Variants in NOL4 observed in about 807,000 individuals in gnomAD.
NOL4 encodes cancer/testis antigen 125.
NOL4 carries 17 observed loss-of-function variants against 75.9 expected under a neutral mutation model. That is an observed-to-expected ratio of 0.22 (90% CI 0.15 to 0.34). The LOEUF (loss-of-function observed/expected upper bound fraction) is 0.34, where lower values mean the gene tolerates loss of function less well. Ranked by LOEUF, NOL4 falls within the 10% of genes least tolerant of loss-of-function variation. NOL4 has a pLI of 1.00. For missense variants in NOL4, 614 were observed against 793.5 expected (o/e 0.77, Z 2.72); for synonymous variants, 292 against 289.9 (o/e 1.01, Z -0.07).
intron 9 of NOL4, among the ~76,000 whole-genome samples, chr18:33,942,542 TTAA>T (rs2068563670): frequency 6.6e-6 from 1 of 151,952 alleles, no homozygotes; most frequent in Non-Finnish European, 1.5e-5. Context: ...AAATGATTAA[TTAA>T]TGAGAGATTA....
intron 1 of NOL4, among the ~76,000 whole-genome samples, chr18:34,144,970 A>G (rs2081338495): frequency 6.6e-6 from 1 of 152,076 alleles, no homozygotes; most frequent in Non-Finnish European, 1.5e-5. Flanking sequence ...TGCAGAAATA[A>G]CCATTATGGA....
rs569265921 is a variant in NOL4, at chr18:33,951,077, G to T, written c.1428+6249C>A. On this transcript the variant is annotated intron_variant, in intron 8 of 10. Coordinates refer to ENST00000261592, the MANE Select transcript of NOL4 (RefSeq NM_003787.5). ...TGGAAAAGCACAGACAAGAACCAAG[G>T]CTCACTGACTATCAAATCCAGGTGC... 2.6e-5 allele frequency among the ~76,000 whole-genome samples: 4 copies of T among 152,206 alleles called. No homozygotes were observed. In the East Asian group the frequency reaches 7.7e-4, roughly 29 times the overall value.
At chr18:33,887,675 T>C (rs1360378763) in intron 9 of NOL4, among the ~76,000 whole-genome samples, 2 of 152,008 alleles carry the variant, frequency 1.3e-5, no homozygotes, top group African/African-American at 4.8e-5. Flanking sequence ...CGGTATTTGG[T>C]TTTCTGTCCT....
intron 1 of NOL4, among the ~76,000 whole-genome samples, chr18:34,177,592 C>T (rs2033663889): frequency 6.6e-6 from 1 of 151,778 alleles, no homozygotes; most frequent in South Asian, 2.1e-4. Flanking sequence ...CAGGTGTGTT[C>T]AGGCTAGGCT....
chr18:34,064,828 C>A (rs556983431), intron 5 of NOL4, among the ~76,000 whole-genome samples: 115 of 151,388 alleles, frequency 7.6e-4, no homozygotes, highest in African/African-American at 2.7e-3. Context: ...CAAGTATGTT[C>A]TATATTTTCT....
At chr18:34,023,180 G>A (rs2075141586) in intron 5 of NOL4, among the ~76,000 whole-genome samples, 1 of 152,030 alleles carries the variant, frequency 6.6e-6, no homozygotes, top group Non-Finnish European at 1.5e-5. Flanking sequence ...TCACAACACT[G>A]TCCTATAAAT....
intron 5 of NOL4, among the ~76,000 whole-genome samples, chr18:34,071,438 G>GACAGAC (rs150543573): frequency 4.5e-4 from 66 of 147,802 alleles, no homozygotes; most frequent in Middle Eastern, 3.4e-3. Context: ...CAGACAGACA[G>GACAGAC]ACACACACAC....
At chr18:34,186,040 A>T (rs1471302833) in intron 1 of NOL4, among the ~76,000 whole-genome samples, 2 of 152,152 alleles carry the variant, frequency 1.3e-5, no homozygotes, top group African/African-American at 2.4e-5. Flanking sequence ...TTGTTGTGGT[A>T]ATGATATCTT....
At chr18:34,064,563 G>A (rs1718164070) in intron 5 of NOL4, among the ~76,000 whole-genome samples, 2 of 152,046 alleles carry the variant, frequency 1.3e-5, no homozygotes, top group South Asian at 4.1e-4. Context: ...AGTTTATCCT[G>A]ATAGATTAGC....
At chr18:33,950,582 A>T (rs1230592573) in intron 8 of NOL4, among the ~76,000 whole-genome samples, 1 of 152,158 alleles carries the variant, frequency 6.6e-6, no homozygotes, top group Non-Finnish European at 1.5e-5. Context: ...AGAGATGAAC[A>T]AGTTAAGAAG....
At chr18:33,940,321 C>T (rs1249146348) in intron 9 of NOL4, among the ~76,000 whole-genome samples, 2 of 151,994 alleles carry the variant, frequency 1.3e-5, no homozygotes, top group Non-Finnish European at 2.9e-5. Flanking sequence ...CAATTATAGA[C>T]TGGATAAAGA....
chr18:33,980,827 A>G (rs531900110), intron 6 of NOL4, among the ~76,000 whole-genome samples: 14 of 152,206 alleles, frequency 9.2e-5, no homozygotes, highest in Admixed American at 8.5e-4. Flanking sequence ...GGCCAAAAGC[A>G]TAACATGAAG....
intron 1 of NOL4, chr18:34,158,566 A>C (rs1357623070): frequency 6.6e-6 from 1 of 152,278 alleles, no homozygotes; most frequent in East Asian, 1.9e-4. Flanking sequence ...GGGGTTTCTA[A>C]ACAGCTCGTT....
chr18:34,059,106 GAGAT>G (rs1322392457), intron 5 of NOL4, among the ~76,000 whole-genome samples: 41 of 127,984 alleles, frequency 3.2e-4, no homozygotes, highest in Admixed American at 1.2e-3. Flanking sequence ...TATATATAGA[GAGAT>G]AGATAGATAT....
chr18:33,940,537 G>T (rs970446657), intron 9 of NOL4, among the ~76,000 whole-genome samples: 2 of 151,832 alleles, frequency 1.3e-5, no homozygotes, highest in African/African-American at 4.8e-5. Flanking sequence ...ATCACACACC[G>T]GGGCCTGTCG....
chr18:34,172,247 A>T (rs542900512), intron 1 of NOL4, among the ~76,000 whole-genome samples: 1 of 152,172 alleles, frequency 6.6e-6, no homozygotes, highest in Non-Finnish European at 1.5e-5. Context: ...TAACTACATC[A>T]AAGTATTTAT....
intron 1 of NOL4, among the ~76,000 whole-genome samples, chr18:34,141,951 T>C (rs1436560903): frequency 6.6e-6 from 1 of 151,854 alleles, no homozygotes; most frequent in Non-Finnish European, 1.5e-5. Flanking sequence ...AGGGCTAATA[T>C]CCAGAATCTA....
chr18:34,045,404 G>A (rs1036673904), intron 5 of NOL4, among the ~76,000 whole-genome samples: 3 of 151,972 alleles, frequency 2.0e-5, no homozygotes, highest in Non-Finnish European at 4.4e-5. Flanking sequence ...CTCAACATTT[G>A]AAGAATAAAT....
chr18:34,072,850 G>C (rs759071364), intron 5 of NOL4, among the ~76,000 whole-genome samples: 3 of 151,862 alleles, frequency 2.0e-5, no homozygotes, highest in Admixed American at 1.3e-4. Context: ...ATAATCTATT[G>C]GTTAAGTAAG....
Sources: allele counts gnomAD v4.1 joint callset (sites outside exome capture counted in the v4.1 genomes callset), GRCh38; gene constraint gnomAD v4.1.1; transcripts MANE v1.5; gene names NCBI Gene and HGNC (gene_info 2026-07-23, HGNC 2026-07-21).